WDR76: variants seen among roughly 807,000 people sequenced by gnomAD.
The protein encoded by WDR76 is WD repeat-containing protein 76.
A neutral mutation model predicts 70.2 loss-of-function variants in WDR76; 52 were observed. The observed-to-expected ratio is 0.74, with a 90% confidence interval of 0.59 to 0.93. The LOEUF is 0.93. Among genes scored for constraint, WDR76 ranks in the 40% least tolerant of loss-of-function variants. The pLI, the probability that WDR76 is intolerant of heterozygous loss-of-function variation, is 0.00. For missense variants in WDR76, 756 were observed against 760.2 expected (o/e 0.99, Z 0.07); for synonymous variants, 292 against 271.1 (o/e 1.08, Z -0.76).
At position 43,827,003 on chromosome 15, in the gene WDR76, G is replaced by A. The variant is rs2087524150; in HGVS notation, c.-30G>A. The A allele has an allele frequency of 3.7e-6, 6 of 1,612,132 alleles. No individual in the cohort carries two copies. Among genetic ancestry groups the A allele is most frequent in the African/African-American group, 1.3e-5 (1 of 75,054 alleles). On this transcript the variant is annotated 5_prime_UTR_variant, in exon 1 of 13. Transcript: ENST00000263795. ...CCGGCCTCCCGCCGCAATCTTGGCG[G>A]GAAGGCGCCGGCCGCTAAGAAGCCG...
chr15:43,860,526 C>T (rs1187791788), intron 11 of WDR76, among the ~76,000 whole-genome samples: 11 of 151,980 alleles, frequency 7.2e-5, no homozygotes, highest in African/African-American at 2.7e-4. Flanking sequence ...TCTTTGTTGC[C>T]CAGGCTGGAG....
At chr15:43,829,749 G>T (rs1394326856) in intron 2 of WDR76, among the ~76,000 whole-genome samples, 5 of 151,282 alleles carry the variant, frequency 3.3e-5, no homozygotes, top group Non-Finnish European at 2.9e-5. Context: ...CTCATGATCC[G>T]CCCGCCTCGG....
intron 4 of WDR76, among the ~76,000 whole-genome samples, chr15:43,838,665 C>T (rs528984152): frequency 1.3e-5 from 2 of 152,178 alleles, no homozygotes; most frequent in East Asian, 3.9e-4. Context: ...AGCTTTATTT[C>T]GTTCTTTTTT....
At chr15:43,836,015 C>T (rs757299802) in intron 3 of WDR76, 146 bp from the exon 4 acceptor site, 18 of 567,894 alleles carry the variant, frequency 3.2e-5, no homozygotes, top group Admixed American at 8.1e-5. Flanking sequence ...AGTACAGTGG[C>T]GCTGATCATG....
intron 10 of WDR76, 86 bp downstream of exon 10, chr15:43,857,249 C>G: frequency 7.7e-7 from 1 of 1,292,972 alleles, no homozygotes; most frequent in Non-Finnish European, 1.1e-6. Context: ...TATTGTAATA[C>G]AATATTACAA....
chr15:43,860,691 T>G (rs538829324), intron 11 of WDR76, among the ~76,000 whole-genome samples: 1 of 152,022 alleles, frequency 6.6e-6, no homozygotes, highest in Non-Finnish European at 1.5e-5. Context: ...TTTTTTTTTG[T>G]AGTGATAGGG....
Position 43,839,590 on chromosome 15 carries a change from T to C in WDR76, c.609-15T>C, listed in dbSNP as rs566193733. 247 of 1,596,298 alleles carry C rather than the reference T, an allele frequency of 1.5e-4. No homozygotes were observed. Among genetic ancestry groups the C allele is most frequent in the Non-Finnish European group, 2.0e-4 (233 of 1,172,798 alleles). ...GTTTTGTGAGTATAACATGAGTTTT[T>C]CCCCACTCCTTTAGAAAGAAGCCTA... On this transcript the variant is annotated splice_polypyrimidine_tract_variant and intron_variant, in intron 4 of 12. Coordinates refer to ENST00000263795, the MANE Select transcript of WDR76 (RefSeq NM_024908.4).
chr15:43,833,777 C>T (rs2087621405), intron 2 of WDR76, among the ~76,000 whole-genome samples: 1 of 152,094 alleles, frequency 6.6e-6, no homozygotes, highest in African/African-American at 2.4e-5. Context: ...GCTGGGACTA[C>T]AGGCGTGTGT....
chr15:43,861,955 G>C (rs2088003058), intron 12 of WDR76, among the ~76,000 whole-genome samples: 2 of 150,120 alleles, frequency 1.3e-5, no homozygotes, highest in Non-Finnish European at 2.9e-5. Context: ...TCCTGCCTCA[G>C]CCTCCTGAGT....
chr15:43,861,413 A>C, intron 12 of WDR76, 27 bp downstream of exon 12: 2 of 1,588,408 alleles, frequency 1.3e-6, no homozygotes, highest in Non-Finnish European at 1.7e-6. Context: ...CAAATAATGT[A>C]GATGTGGATT....
At chr15:43,839,190 C>A (rs2087692516) in intron 4 of WDR76, among the ~76,000 whole-genome samples, 1 of 152,136 alleles carries the variant, frequency 6.6e-6, no homozygotes, top group African/African-American at 2.4e-5. Flanking sequence ...GTTTTCCAGG[C>A]CTTTTCCCTA....
Position 43,861,380 on chromosome 15 carries a change from C to T in WDR76, c.1610C>T (p.Thr537Ile). ...TCTTCTAAGATTCCGCTCCTCACCA[C>T]CATCAGGTAGGCTTCTATATGCCAA... ...CISSKIPLLT[T>I]IRHNTFTGRW... Residue 537 changes from threonine to isoleucine, a missense_variant, in exon 12 of 13, where the codon ACC becomes ATC. Transcript: ENST00000263795. 6.2e-7 allele frequency: 1 copy of T among 1,613,818 alleles called. No individual in the cohort carries two copies. The highest frequency in any genetic ancestry group is 8.5e-7 in the Non-Finnish European group (1 of 1,179,784).
chr15:43,847,994 C>T (rs1207909432), intron 8 of WDR76, among the ~76,000 whole-genome samples: 2 of 151,590 alleles, frequency 1.3e-5, no homozygotes, highest in Non-Finnish European at 2.9e-5. Flanking sequence ...TTTGGGAAGT[C>T]AAGGCAGGAG....
At chr15:43,844,850 C>T (rs1299237572) in intron 8 of WDR76, among the ~76,000 whole-genome samples, 4 of 132,148 alleles carry the variant, frequency 3.0e-5, no homozygotes, top group Admixed American at 8.5e-5. Context: ...ATGGCGTGAA[C>T]CTGGGAGGGG....
intron 11 of WDR76, among the ~76,000 whole-genome samples, chr15:43,860,325 T>A (rs1438673590): frequency 6.6e-6 from 1 of 152,232 alleles, no homozygotes; most frequent in East Asian, 1.9e-4. Flanking sequence ...CTTCAGCTGA[T>A]GAGTCTCAGG....
Position 43,866,605 on chromosome 15 carries a change from C to G in WDR76, c.*213C>G. 2.3e-6 allele frequency: 1 copy of G among 428,966 alleles called. No homozygotes were observed. Among genetic ancestry groups the G allele is most frequent in the Non-Finnish European group, 4.0e-6 (1 of 249,222 alleles). 26.6% of individuals were successfully genotyped at this position (428,966 alleles called of 1,614,324 possible). A position where few individuals can be genotyped will look rare whatever the true frequency, so the allele number is the denominator to read the frequency against. Reference sequence around the variant, plus strand: ...GACGGGGAGGGAATTTGAGGGGAGGCTGAGGTGCCGTCAGGACTTTTTTTT... The same window carrying G: ...GACGGGGAGGGAATTTGAGGGGAGGGTGAGGTGCCGTCAGGACTTTTTTTT... On this transcript the variant is annotated 3_prime_UTR_variant, in exon 13 of 13. Coordinates refer to ENST00000263795, the MANE Select transcript of WDR76 (RefSeq NM_024908.4).
chr15:43,835,361 T>C (rs1326258244), intron 3 of WDR76, among the ~76,000 whole-genome samples: 2 of 130,772 alleles, frequency 1.5e-5, no homozygotes, highest in South Asian at 4.8e-4. Context: ...TAGTGATGCA[T>C]GTCTGGAGTC....
chr15:43,834,885 A>G (rs1040036884), intron 2 of WDR76, among the ~76,000 whole-genome samples, 176 bp from the exon 3 acceptor site: 2 of 152,222 alleles, frequency 1.3e-5, no homozygotes, highest in Non-Finnish European at 2.9e-5. Context: ...TCCCAAATCC[A>G]GACTTACTGA....
chr15:43,853,768 C>T (rs936332386), intron 9 of WDR76, among the ~76,000 whole-genome samples: 24 of 151,540 alleles, frequency 1.6e-4, no homozygotes, highest in Admixed American at 7.2e-4. Context: ...TAGCCAGGCG[C>T]GGTGGCAGGC....
Sources: allele counts gnomAD v4.1 joint callset (sites outside exome capture counted in the v4.1 genomes callset), GRCh38; gene constraint gnomAD v4.1.1; transcripts MANE v1.5; gene names NCBI Gene and HGNC (gene_info 2026-07-23, HGNC 2026-07-21).